NDUFAF6: variants seen among roughly 807,000 people sequenced by gnomAD.
The protein encoded by NDUFAF6 is NADH dehydrogenase (ubiquinone) complex I, assembly factor 6.
A neutral mutation model predicts 40.8 loss-of-function variants in NDUFAF6; 45 were observed. That is an observed-to-expected ratio of 1.10 (90% CI 0.87 to 1.42). The LOEUF (loss-of-function observed/expected upper bound fraction) is 1.42, where lower values mean the gene tolerates loss of function less well. NDUFAF6 is among the 40% of genes most tolerant of loss of function. The pLI, the probability that NDUFAF6 is intolerant of heterozygous loss-of-function variation, is 0.00. For synonymous variants in NDUFAF6, 185 were observed against 155.9 expected (o/e 1.19, Z -1.39); for missense variants, 435 against 418.5 (o/e 1.04, Z -0.34).
intron 1 of NDUFAF6, among the ~76,000 whole-genome samples, chr8:94,977,140 GAAA>G (rs999161388): frequency 2.7e-3 from 181 of 66,916 alleles, no homozygotes; most frequent in African/African-American, 8.0e-3. Context: ...CCCTGACTCA[GAAA>G]AAAAAAAAAA....
chr8:94,917,082 G>A (rs1819185801), intron 1 of NDUFAF6, among the ~76,000 whole-genome samples: 1 of 135,106 alleles, frequency 7.4e-6, no homozygotes, highest in African/African-American at 2.8e-5. Context: ...CTGCACTCCA[G>A]CCTGGGTGAC....
downstream of NDUFAF6, among the ~76,000 whole-genome samples, chr8:95,080,800 G>T (rs1166176911): frequency 6.6e-6 from 1 of 152,134 alleles, no homozygotes; most frequent in Non-Finnish European, 1.5e-5. Context: ...GAGCCACTGT[G>T]CCCGGCCAAA....
upstream of NDUFAF6, among the ~76,000 whole-genome samples, chr8:95,024,763 G>A (rs988538917): frequency 3.9e-5 from 6 of 152,218 alleles, no homozygotes; most frequent in African/African-American, 1.4e-4. Context: ...GGATGCACGT[G>A]GGGGAAGGGG....
chr8:94,899,608 C>A lies in NDUFAF6; in HGVS notation c.-936+3681C>A, dbSNP rs555259776. 2.6e-5 allele frequency among the ~76,000 whole-genome samples: 4 copies of A among 152,282 alleles called. No individual in the cohort carries two copies. The South Asian group carries it at 8.3e-4, about 32-fold the overall frequency. On this transcript the variant is annotated intron_variant, in intron 1 of 14. Coordinates refer to the NDUFAF6 transcript ENST00000396113. ...GTTTGCCTAAGATCCACAGTAGAGTCTGACTCCAGCTCACCTGTGCTGTGC... is the reference window on the plus strand; with the variant it reads ...GTTTGCCTAAGATCCACAGTAGAGTATGACTCCAGCTCACCTGTGCTGTGC...
At chr8:94,896,287 C>T (rs1817557399) in intron 1 of NDUFAF6, among the ~76,000 whole-genome samples, 2 of 148,548 alleles carry the variant, frequency 1.3e-5, no homozygotes, top group South Asian at 2.1e-4. Flanking sequence ...CCGCCGCCAG[C>T]GCGCCCTGCG....
chr8:95,068,528 TCA>T (rs1479373253), intron 9 of NDUFAF6: 5 of 151,814 alleles, frequency 3.3e-5, no homozygotes, highest in Non-Finnish European at 4.4e-5. Context: ...TTTCCCCAAA[TCA>T]CACAGCCAGC....
At chr8:94,982,369 A>G (rs1444844569) in intron 2 of NDUFAF6, among the ~76,000 whole-genome samples, 5 of 152,246 alleles carry the variant, frequency 3.3e-5, no homozygotes, top group Admixed American at 3.3e-4. Flanking sequence ...AGGCTATCCC[A>G]TATAGGTTAG....
At chr8:95,078,584 T>G (rs1026708900), downstream of NDUFAF6, 3 of 150,890 alleles carry the variant, frequency 2.0e-5, no homozygotes, top group Non-Finnish European at 4.4e-5. Context: ...AGTTTGAGGC[T>G]GCAGGGAGCT....
chr8:95,040,684 A>T (rs116871610), intron 3 of NDUFAF6: 7 of 152,286 alleles, frequency 4.6e-5, no homozygotes, highest in African/African-American at 1.4e-4. Context: ...TAATTCACTC[A>T]TGTACTGATT....
intron 1 of NDUFAF6, among the ~76,000 whole-genome samples, chr8:94,896,977 T>C (rs1365201466): frequency 1.3e-5 from 2 of 152,164 alleles, no homozygotes; most frequent in East Asian, 1.9e-4. Context: ...ACGCTTAGGA[T>C]GGCTCTCGGC....
intron 2 of NDUFAF6, among the ~76,000 whole-genome samples, chr8:94,995,180 A>G (rs907837151): frequency 1.3e-5 from 2 of 152,254 alleles, no homozygotes; most frequent in African/African-American, 4.8e-5. Flanking sequence ...AACATGGATG[A>G]ACCTCAAGAA....
chr8:94,954,153 C>CG (rs1011699798), upstream of NDUFAF6, among the ~76,000 whole-genome samples: 9 of 152,088 alleles, frequency 5.9e-5, no homozygotes, highest in Non-Finnish European at 1.2e-4. Context: ...ACCTCCGCCC[C>CG]CCGGGTTCAA....
At chr8:94,967,659 C>G (rs906083573) in intron 1 of NDUFAF6, among the ~76,000 whole-genome samples, 2 of 151,786 alleles carry the variant, frequency 1.3e-5, no homozygotes, top group African/African-American at 4.8e-5. Context: ...AGCCACCGCA[C>G]CACGGGCGCG....
intron 1 of NDUFAF6, among the ~76,000 whole-genome samples, chr8:94,958,461 G>T (rs1055461181): frequency 2.5e-4 from 37 of 149,154 alleles, no homozygotes; most frequent in African/African-American, 9.0e-4. Flanking sequence ...GGGATTAGGG[G>T]CCACCCTAAT....
chr8:95,050,056 G>A (rs1831258310), intron 7 of NDUFAF6, among the ~76,000 whole-genome samples: 1 of 152,146 alleles, frequency 6.6e-6, no homozygotes, highest in Non-Finnish European at 1.5e-5. Context: ...AAAATACATG[G>A]AACTTTAGAT....
At chr8:94,911,783 A>G (rs1237894768) in intron 1 of NDUFAF6, among the ~76,000 whole-genome samples, 1 of 152,224 alleles carries the variant, frequency 6.6e-6, no homozygotes, top group African/African-American at 2.4e-5. Context: ...AGACAACAAA[A>G]TGAGGTTTTT....
intron 1 of NDUFAF6, among the ~76,000 whole-genome samples, chr8:94,909,813 TAC>T (rs113853762): frequency 0.73 from 107,123 of 146,706 alleles, 39,143 homozygotes; most frequent in East Asian, 0.79. Context: ...TATATATATA[TAC>T]ACACACACAC....
At chr8:94,955,029 C>T (rs1822957464), upstream of NDUFAF6, among the ~76,000 whole-genome samples, 1 of 152,138 alleles carries the variant, frequency 6.6e-6, no homozygotes, top group South Asian at 2.1e-4. Flanking sequence ...TTATGGAGTT[C>T]CTGCTCTGGA....
At chr8:94,897,110 A>G (rs1025591150) in intron 1 of NDUFAF6, among the ~76,000 whole-genome samples, 1 of 152,202 alleles carries the variant, frequency 6.6e-6, no homozygotes, top group Non-Finnish European at 1.5e-5. Flanking sequence ...GGGTCACCTG[A>G]TCGTAAGCAG....
Sources: gnomAD v4.1 joint callset for allele counts (sites outside exome capture counted in the v4.1 genomes callset) on GRCh38, gnomAD v4.1.1 for gene constraint, MANE v1.5 for transcripts, NCBI Gene and HGNC (gene_info 2026-07-23, HGNC 2026-07-21) for gene names.